The following TCF7L1 variants were observed in gnomAD, a reference collection of about 807,000 sequenced individuals.
The protein encoded by TCF7L1 is transcription factor 7 like 1, also known as transcription factor 7-like 1.
Under a neutral mutation model 63.7 loss-of-function variants are expected in TCF7L1, and 18 were observed. That is an observed-to-expected ratio of 0.28 (90% confidence interval 0.20 to 0.42). The LOEUF (loss-of-function observed/expected upper bound fraction) is 0.42, where lower values mean the gene tolerates loss of function less well. TCF7L1 is among the 10% of genes least tolerant of loss of function. The probability of loss-of-function intolerance (pLI) is 1.00; values close to 1 mark genes in which losing one functional copy is unlikely to be tolerated. For synonymous variants in TCF7L1, 355 were observed against 340.9 expected (o/e 1.04, Z -0.46); for missense variants, 654 against 779.3 (o/e 0.84, Z 1.91).
intron 3 of TCF7L1, chr2:85,186,334 T>G (rs1296856708): frequency 6.6e-6 from 1 of 152,170 alleles, no homozygotes; most frequent in African/African-American, 2.4e-5. Flanking sequence ...TGAGCTGCAG[T>G]GGCTCCTCCT....
rs1002405021 is a variant in TCF7L1 at position 85,193,745 on chromosome 2, A to G, written c.441+59295A>G. 7.2e-5 allele frequency among the ~76,000 whole-genome samples: 11 copies of G among 152,300 alleles called. 1 individual carries two copies. The highest frequency in any genetic ancestry group is 7.2e-4 in the Admixed American group (11 of 15,304). ...ACTAGGTAAACTGGTATTGTAAGAA[A>G]ATGTCTTTTTTGGGAAATACAGAAG... On this transcript the variant is annotated intron_variant, in intron 3 of 11. Coordinates refer to ENST00000282111, the MANE Select transcript of TCF7L1 (RefSeq NM_031283.3).
In TCF7L1 at chr2:85,133,613, G is replaced by A. The variant is rs1280846159; in HGVS notation, c.-72G>A. The A allele has an allele frequency of 2.3e-5, 13 of 556,166 alleles. No homozygotes were observed. The East Asian group carries it at 1.5e-3, about 63-fold the overall frequency. 34.5% of individuals were successfully genotyped at this position (556,166 alleles called of 1,614,324 possible). A position where few individuals can be genotyped will look rare whatever the true frequency, so the allele number is the denominator to read the frequency against. On this transcript the variant is annotated 5_prime_UTR_variant, in exon 1 of 12. Transcript: ENST00000282111. This position sits in a 1 kb window ranked among gnomAD's most constrained non-coding sequence, Gnocchi z 4.4. ...GGGCCCGCAAGCGGGCGGGAGGGGC[G>A]CCGGGCCGGGCCGGGCAGGGCGCGG...
chr2:85,298,560 T>G lies in TCF7L1; in HGVS notation c.526-3924T>G, dbSNP rs1430033784. Among the ~76,000 whole-genome samples the G allele has an allele frequency of 2.0e-5, 3 of 151,608 alleles. 1 individual carries two copies. The highest frequency in any genetic ancestry group is 2.0e-4 in the Admixed American group (3 of 15,238). ...AGACCAGAGTTTAAAGACCTTTGTC[T>G]TGTACCAACTCTAGAAACAGACTGA... On this transcript the variant is annotated intron_variant, in intron 4 of 11. Transcript: ENST00000282111.
In TCF7L1 at chr2:85,260,034, C is replaced by G. The variant is rs531555373; in HGVS notation, c.442-23461C>G. Among the ~76,000 whole-genome samples, 4 of 152,206 alleles carry G rather than the reference C, an allele frequency of 2.6e-5. No individual in the cohort carries two copies. The East Asian group carries it at 7.7e-4, about 29-fold the overall frequency. On this transcript the variant is annotated intron_variant, in intron 3 of 11. Coordinates refer to ENST00000282111, the MANE Select transcript of TCF7L1 (RefSeq NM_031283.3). ...ACCTTTCACAGTTGGCACTAAACTG[C>G]AGGCTTATCTCCTTTCTCCATTTCC...
In TCF7L1 at chr2:85,308,919, G is replaced by A. The variant is rs115411449; in HGVS notation, c.1334-110G>A. ...GCCTTGGAAGTAATGTCAGGTCCTC[G>A]CCAAAATCATCCCTGTGTCTCCAAA... On this transcript the variant is annotated intron_variant, in intron 11 of 11. Coordinates refer to ENST00000282111, the MANE Select transcript of TCF7L1 (RefSeq NM_031283.3). The A allele has an allele frequency of 1.1e-3, 1,476 of 1,309,170 alleles. 18 individuals carry two copies. In the African/African-American group the frequency reaches 0.019, roughly 17 times the overall value. The allele number at this position is 1,309,170 out of a possible 1,614,324, so 81.1% of individuals were successfully genotyped here. A position where few individuals can be genotyped will look rare whatever the true frequency, so the allele number is the denominator to read the frequency against.
intron 4 of TCF7L1, among the ~76,000 whole-genome samples, chr2:85,301,414 G>A (rs1279368508): frequency 1.3e-5 from 2 of 152,156 alleles, no homozygotes; most frequent in African/African-American, 4.8e-5. Context: ...TGTAATGCAG[G>A]GTTCAGTGAC....
intron 3 of TCF7L1, among the ~76,000 whole-genome samples, chr2:85,176,264 G>A (rs1290863950): frequency 1.3e-5 from 2 of 152,178 alleles, no homozygotes; most frequent in African/African-American, 4.8e-5. Context: ...TCAGTCCTCC[G>A]CTGACTGACC....
At position 85,306,966 on chromosome 2, in the gene TCF7L1, C is replaced by T. The variant is rs749848091; in HGVS notation, c.1257+407C>T. ...GGCGTGAGCCACCGCGCCCGGCCAG[C>T]GACTGCATTTATAGAGGACTCTTAA... On this transcript the variant is annotated intron_variant, in intron 10 of 11. Transcript: ENST00000282111. This position sits in a 1 kb window ranked among gnomAD's most constrained non-coding sequence, Gnocchi z 4.3. 1.3e-5 allele frequency among the ~76,000 whole-genome samples: 2 copies of T among 152,154 alleles called. No homozygotes were observed. The highest frequency in any genetic ancestry group is 1.3e-4 in the Admixed American group (2 of 15,284).
chr2:85,134,007 C>A lies in TCF7L1; in HGVS notation c.250-9C>A. The A allele has an allele frequency of 6.2e-7, 1 of 1,609,546 alleles. No homozygotes were observed. The highest frequency in any genetic ancestry group is 8.5e-7 in the Non-Finnish European group (1 of 1,178,340). The stretch of plus-strand genomic sequence containing the variant: ...CTCACCCGCTCTTGCCTTTGTGTCT[C>A]CTCCGCAGGCGGAGAGGCGCCCGCA... On this transcript the variant is annotated splice_polypyrimidine_tract_variant and intron_variant, in intron 1 of 11. Coordinates refer to ENST00000282111, the MANE Select transcript of TCF7L1 (RefSeq NM_031283.3). The surrounding 1 kb of genome is among the most constrained non-coding windows in gnomAD (Gnocchi z 5.0).
rs114790924 is a variant in TCF7L1, at chr2:85,255,643, C to G, written c.442-27852C>G. 8.2e-3 allele frequency among the ~76,000 whole-genome samples: 1,245 copies of G among 152,318 alleles called. 15 individuals are homozygous for G. Among genetic ancestry groups the G allele is most frequent in the African/African-American group, 0.028 (1,184 of 41,570 alleles). ...TCTGCGAGGCCTGCCTAAGGCTGCC[C>G]TCTGCCTTCCCAGCCCTTCAGTCCC... On this transcript the variant is annotated intron_variant, in intron 3 of 11. Coordinates refer to ENST00000282111, the MANE Select transcript of TCF7L1 (RefSeq NM_031283.3).
intron 3 of TCF7L1, among the ~76,000 whole-genome samples, chr2:85,197,493 A>G (rs2104273195): frequency 6.6e-6 from 1 of 152,342 alleles, no homozygotes; most frequent in East Asian, 1.9e-4. Flanking sequence ...AGAAACACCA[A>G]CAAACACTGA....
At chr2:85,303,070 G>A (rs950103312) in intron 5 of TCF7L1, among the ~76,000 whole-genome samples, 6 of 152,122 alleles carry the variant, frequency 3.9e-5, no homozygotes, top group Non-Finnish European at 5.9e-5. Flanking sequence ...TTGCTGTGTC[G>A]CCCAAGCTGG....
intron 3 of TCF7L1, among the ~76,000 whole-genome samples, chr2:85,254,097 G>A (rs991422609): frequency 2.6e-5 from 4 of 152,236 alleles, no homozygotes; most frequent in East Asian, 1.9e-4. Flanking sequence ...AGCTGGGCAC[G>A]GGGCAGCTGG....
Position 85,142,034 on chromosome 2 carries a change from T to C in TCF7L1, c.441+7584T>C, listed in dbSNP as rs370831956. On this transcript the variant is annotated intron_variant, in intron 3 of 11. Transcript: ENST00000282111. Reference sequence around the variant, plus strand: ...TAGCTACATGTTAGATAATGAAATGTTTGTGTATTGATTGAAAGGAAGACA... The same window carrying C: ...TAGCTACATGTTAGATAATGAAATGCTTGTGTATTGATTGAAAGGAAGACA... Among the ~76,000 whole-genome samples the C allele has an allele frequency of 1.0e-3, 158 of 152,270 alleles. 5 individuals are homozygous for C. The South Asian group carries it at 0.028, about 27-fold the overall frequency.
intron 3 of TCF7L1, among the ~76,000 whole-genome samples, chr2:85,274,904 C>G (rs1339538694): frequency 6.6e-6 from 1 of 152,144 alleles, no homozygotes; most frequent in African/African-American, 2.4e-5. Context: ...CTGGTCCTCT[C>G]CAGTGTGAGA....
chr2:85,201,985 G>A (rs904035275), intron 3 of TCF7L1, among the ~76,000 whole-genome samples: 1 of 151,044 alleles, frequency 6.6e-6, no homozygotes, highest in African/African-American at 2.4e-5. Context: ...ATTTTTTTGA[G>A]ATGGAGTCTC....
chr2:85,306,834 T>G lies in TCF7L1; in HGVS notation c.1257+275T>G, dbSNP rs1682123901. Among the ~76,000 whole-genome samples the G allele has an allele frequency of 6.6e-6, 1 of 151,870 alleles. No homozygotes were observed. Among genetic ancestry groups the G allele is most frequent in the Non-Finnish European group, 1.5e-5 (1 of 67,980 alleles). ...CACCTGCCACCACACCCGGCTAATTTTTTGTATTTTTAGTAGAGACGGGGT... is the reference window on the plus strand; with the variant it reads ...CACCTGCCACCACACCCGGCTAATTGTTTGTATTTTTAGTAGAGACGGGGT... On this transcript the variant is annotated intron_variant, in intron 10 of 11. Coordinates refer to ENST00000282111, the MANE Select transcript of TCF7L1 (RefSeq NM_031283.3). The surrounding 1 kb of genome is among the most constrained non-coding windows in gnomAD (Gnocchi z 4.3).
In TCF7L1 at chr2:85,306,863, A is replaced by T. The variant is rs1169800482; in HGVS notation, c.1257+304A>T. On this transcript the variant is annotated intron_variant, in intron 10 of 11. Coordinates refer to ENST00000282111, the MANE Select transcript of TCF7L1 (RefSeq NM_031283.3). This position sits in a 1 kb window ranked among gnomAD's most constrained non-coding sequence, Gnocchi z 4.3. ...GTATTTTTAGTAGAGACGGGGTTTC[A>T]CTGTGTTAACCAGGATGGTCTCGAG... Among the ~76,000 whole-genome samples, 1 of 151,782 alleles carries T rather than the reference A, an allele frequency of 6.6e-6. No individual in the cohort carries two copies. The highest frequency in any genetic ancestry group is 2.4e-5 in the African/African-American group (1 of 41,204).
intron 3 of TCF7L1, among the ~76,000 whole-genome samples, chr2:85,264,800 C>T (rs11683948): frequency 3.8e-3 from 581 of 152,282 alleles, no homozygotes; most frequent in Middle Eastern, 0.024. Flanking sequence ...TGCAGCCCCT[C>T]TCCCAACCCA....
Sources: allele counts gnomAD v4.1 joint callset (sites outside exome capture counted in the v4.1 genomes callset), GRCh38; gene constraint gnomAD v4.1.1; non-coding constraint Gnocchi (gnomAD v3.1); transcripts MANE v1.5; gene names NCBI Gene and HGNC (gene_info 2026-07-23, HGNC 2026-07-21).